The following MNAT1 variants were observed in gnomAD, a reference collection of about 807,000 sequenced individuals.
MNAT1 encodes CDK-activating kinase assembly factor MAT1.
A neutral mutation model predicts 42.0 loss-of-function variants in MNAT1; 43 were observed. The ratio of observed to expected loss-of-function variants is 1.02; its 90% CI spans 0.80 to 1.32. MNAT1 has a LOEUF of 1.32. Among genes scored for constraint, MNAT1 ranks in the 40% most tolerant of loss-of-function variants. The probability of loss-of-function intolerance (pLI) is 0.00; values close to 1 mark genes in which losing one functional copy is unlikely to be tolerated. For missense variants in MNAT1, 306 were observed against 350.4 expected, an observed-to-expected ratio of 0.87 and a Z score of 1.01; for synonymous variants, 118 against 120.0, an observed-to-expected ratio of 0.98 and a Z score of 0.11.
At chr14:60,763,635 C>G (rs528781826) in intron 1 of MNAT1, among the ~76,000 whole-genome samples, 1 of 152,246 alleles carries the variant, frequency 6.6e-6, no homozygotes, top group African/African-American at 2.4e-5. Flanking sequence ...CCTTCCTACT[C>G]TAGTGTAAGT....
intron 6 of MNAT1, among the ~76,000 whole-genome samples, chr14:60,875,050 A>G (rs188049974): frequency 3.9e-5 from 6 of 152,232 alleles, no homozygotes; most frequent in Non-Finnish European, 8.8e-5. Context: ...TCATTTATGA[A>G]CTTTGTCTTA....
chr14:60,746,765 GTTAC>G (rs1360970055), intron 1 of MNAT1, among the ~76,000 whole-genome samples: 1 of 149,444 alleles, frequency 6.7e-6, no homozygotes, highest in African/African-American at 2.5e-5. Flanking sequence ...AATATACTTA[GTTAC>G]TTACTGAGCG....
intron 7 of MNAT1, among the ~76,000 whole-genome samples, chr14:60,941,543 T>G (rs1028756094): frequency 1.3e-5 from 2 of 151,664 alleles, no homozygotes; most frequent in Non-Finnish European, 2.9e-5. Flanking sequence ...CTACAAAAAT[T>G]TAAAGAACAA....
intron 1 of MNAT1, among the ~76,000 whole-genome samples, chr14:60,752,732 A>G (rs557698411): frequency 3.9e-4 from 59 of 152,296 alleles, no homozygotes; most frequent in African/African-American, 1.4e-3. Context: ...CTAATTTTGT[A>G]AGAAATTTCA....
chr14:60,951,416 C>T (rs1405820934), intron 7 of MNAT1, among the ~76,000 whole-genome samples: 1 of 151,488 alleles, frequency 6.6e-6, no homozygotes, highest in Non-Finnish European at 1.5e-5. Flanking sequence ...GGTTCTTTTT[C>T]ACATTTTCCT....
At chr14:60,926,197 G>A (rs961213174) in intron 7 of MNAT1, among the ~76,000 whole-genome samples, 7 of 152,130 alleles carry the variant, frequency 4.6e-5, no homozygotes, top group East Asian at 1.9e-4. Flanking sequence ...AACAAAATGC[G>A]CTTCCTACTC....
chr14:60,968,385 G>A lies in MNAT1; in HGVS notation c.*36G>A, dbSNP rs753028490. 6.3e-7 allele frequency: 1 copy of A among 1,595,024 alleles called. No individual in the cohort carries two copies. Among genetic ancestry groups the A allele is most frequent in the African/African-American group, 1.4e-5 (1 of 73,708 alleles). On this transcript the variant is annotated 3_prime_UTR_variant, in exon 8 of 8. Transcript: ENST00000261245. ...GATTTGGACCTTGGAGCTGAACCAGGGAGCTAGCAAAAGTAAAGCAGACTT... is the reference window on the plus strand; with the variant it reads ...GATTTGGACCTTGGAGCTGAACCAGAGAGCTAGCAAAAGTAAAGCAGACTT...
intron 6 of MNAT1, among the ~76,000 whole-genome samples, chr14:60,876,283 C>A: frequency 6.6e-6 from 1 of 152,020 alleles, no homozygotes; most frequent in South Asian, 2.1e-4. Context: ...GGCTGTGGAA[C>A]ATGGAGGTTA....
At chr14:60,830,755 A>T (rs2033189773) in intron 6 of MNAT1, among the ~76,000 whole-genome samples, 1 of 149,060 alleles carries the variant, frequency 6.7e-6, no homozygotes, top group Non-Finnish European at 1.5e-5. Context: ...ATTCCTATAC[A>T]ATTTTTATTG....
chr14:60,943,153 A>C (rs2036211310), intron 7 of MNAT1, among the ~76,000 whole-genome samples: 1 of 150,182 alleles, frequency 6.7e-6, no homozygotes, highest in Non-Finnish European at 1.5e-5. Flanking sequence ...CTCCCAGAGA[A>C]CCATGTGTAT....
chr14:60,801,391 A>G (rs538596035), intron 3 of MNAT1, among the ~76,000 whole-genome samples: 1 of 152,330 alleles, frequency 6.6e-6, no homozygotes, highest in South Asian at 2.1e-4. Context: ...AACAAAGGAA[A>G]CAACAGAGTG....
intron 7 of MNAT1, among the ~76,000 whole-genome samples, chr14:60,926,500 AT>A (rs2035768457): frequency 6.6e-6 from 1 of 152,190 alleles, no homozygotes; most frequent in African/African-American, 2.4e-5. Flanking sequence ...GTTTTGATTA[AT>A]TTGCTAGGGC....
intron 7 of MNAT1, among the ~76,000 whole-genome samples, chr14:60,910,537 C>G (rs2035325577): frequency 6.6e-6 from 1 of 152,114 alleles, no homozygotes; most frequent in Admixed American, 6.5e-5. Flanking sequence ...AAGCATGAAG[C>G]ATTGTCGAAT....
chr14:60,968,653 T>TA lies in MNAT1; in HGVS notation c.*310dup. ...TTGTGACAGACTTATAAAATCTTTT[T>TA]AAAAAATAAAGCTATAATTTATATT... On this transcript the variant is annotated 3_prime_UTR_variant, in exon 8 of 8. Coordinates refer to ENST00000261245, the MANE Select transcript of MNAT1 (RefSeq NM_002431.4). 1.7e-6 allele frequency: 1 copy of TA among 597,012 alleles called. No individual in the cohort carries two copies. Among genetic ancestry groups the TA allele is most frequent in the Non-Finnish European group, 2.5e-6 (1 of 395,792 alleles). 37.0% of individuals were successfully genotyped at this position (597,012 alleles called of 1,614,324 possible).
intron 3 of MNAT1, chr14:60,799,398 A>T: frequency 1.0e-6 from 1 of 985,374 alleles, no homozygotes; most frequent in Non-Finnish European, 1.2e-6. Context: ...GAAGGTATGT[A>T]GAAATCTGGC....
intron 1 of MNAT1, chr14:60,780,020 G>A: frequency 1.3e-6 from 2 of 1,558,802 alleles, no homozygotes; most frequent in Non-Finnish European, 8.9e-7. Flanking sequence ...CACCCTGCGT[G>A]GGAGTGCCGA....
intron 7 of MNAT1, among the ~76,000 whole-genome samples, chr14:60,935,748 G>C (rs1210406988): frequency 6.6e-6 from 1 of 152,080 alleles, no homozygotes; most frequent in Admixed American, 6.6e-5. Flanking sequence ...ACATAGATTT[G>C]GGCCCTCACA....
chr14:60,774,229 A>G (rs549174542), intron 1 of MNAT1, among the ~76,000 whole-genome samples: 1 of 152,222 alleles, frequency 6.6e-6, no homozygotes, highest in Non-Finnish European at 1.5e-5. Context: ...AAGAGGTGAC[A>G]TTTGATTTGA....
At chr14:60,858,562 C>G (rs537708854) in intron 6 of MNAT1, among the ~76,000 whole-genome samples, 25 of 152,204 alleles carry the variant, frequency 1.6e-4, no homozygotes, top group South Asian at 6.2e-4. Flanking sequence ...AGAGAATTGA[C>G]TCCAATTTTG....
Sources: allele counts gnomAD v4.1 joint callset (sites outside exome capture counted in the v4.1 genomes callset), GRCh38; gene constraint gnomAD v4.1.1; transcripts MANE v1.5; gene names NCBI Gene and HGNC (gene_info 2026-07-23, HGNC 2026-07-21).